DZIP1L: variants seen among roughly 807,000 people sequenced by gnomAD.
DZIP1L encodes DAZ interacting zinc finger protein 1 like, also known as cilium assembly protein DZIP1L.
A neutral mutation model predicts 88.7 loss-of-function variants in DZIP1L; 90 were observed. The ratio of observed to expected loss-of-function variants is 1.02; its 90% CI spans 0.86 to 1.21. The LOEUF (loss-of-function observed/expected upper bound fraction) is 1.21, where lower values mean the gene tolerates loss of function less well. DZIP1L is among the 50% of genes most tolerant of loss of function. The pLI, the probability that DZIP1L is intolerant of heterozygous loss-of-function variation, is 0.00. For missense variants in DZIP1L, 932 were observed against 955.8 expected (o/e 0.98, Z 0.33); for synonymous variants, 363 against 372.1 (o/e 0.98, Z 0.28).
intron 11 of DZIP1L, among the ~76,000 whole-genome samples, chr3:138,075,094 A>G (rs1000175786): frequency 6.6e-6 from 1 of 152,260 alleles, no homozygotes; most frequent in African/African-American, 2.4e-5. Flanking sequence ...CTAGTCTAAC[A>G]GGAAAATATC....
chr3:138,084,377 A>G (rs1943825429), intron 7 of DZIP1L, 124 bp from the exon 8 acceptor site: 14 of 1,315,078 alleles, frequency 1.1e-5, no homozygotes, highest in South Asian at 1.6e-5. Context: ...TGAGACCTGG[A>G]CAGGCTTTCT....
At chr3:138,092,850 C>T (rs549108120) in intron 4 of DZIP1L, among the ~76,000 whole-genome samples, 2 of 152,342 alleles carry the variant, frequency 1.3e-5, no homozygotes, top group South Asian at 4.1e-4. Context: ...CATCTTCAGG[C>T]TCCACTTCTA....
At position 138,062,993 on chromosome 3, in the gene DZIP1L, G is replaced by A. The variant is rs774693842; in HGVS notation, c.2143-16C>T. The A allele has an allele frequency of 3.1e-6, 5 of 1,612,676 alleles. No homozygotes were observed. Among genetic ancestry groups the A allele is most frequent in the East Asian group, 2.2e-5 (1 of 44,858 alleles). ...CTTCAGAAAGCTGCAGGGGGTAAAGGGGAGAAGAAAATGCATTTTGATAAG... is the reference window on the plus strand; with the variant it reads ...CTTCAGAAAGCTGCAGGGGGTAAAGAGGAGAAGAAAATGCATTTTGATAAG... On this transcript the variant is annotated splice_polypyrimidine_tract_variant and intron_variant, in intron 15 of 15. Coordinates refer to ENST00000327532, the MANE Select transcript of DZIP1L (RefSeq NM_173543.3).
chr3:138,109,234 T>G (rs1267682114), intron 1 of DZIP1L, among the ~76,000 whole-genome samples: 1 of 152,246 alleles, frequency 6.6e-6, no homozygotes, highest in Non-Finnish European at 1.5e-5. Context: ...ATTTTATGTA[T>G]AGACACTGTT....
intron 1 of DZIP1L, among the ~76,000 whole-genome samples, chr3:138,105,302 G>A (rs1163637840): frequency 6.6e-6 from 1 of 151,922 alleles, no homozygotes; most frequent in Non-Finnish European, 1.5e-5. Flanking sequence ...TGGTGTGTGG[G>A]TGGTGATGGT....
Position 138,103,477 on chromosome 3 carries a change from G to C in DZIP1L, c.495C>G (p.Tyr165Ter). ...CCTGGTGGAGATTCCTCACCGTGTGGTAGCTGTGGGTGCCTGTCTGCATTA... is the reference window on the plus strand; with the variant it reads ...CCTGGTGGAGATTCCTCACCGTGTGCTAGCTGTGGGTGCCTGTCTGCATTA... ...QLLMQTGTHS[Y>*]HTCHLCDKTF... The change falls in exon 2 of 16, where the codon TAC becomes TAG. Residue 165 changes from tyrosine to a stop codon, truncating the protein, a stop_gained. Transcript: ENST00000327532. LOFTEE classifies it high-confidence loss of function. 1.3e-6 allele frequency: 2 copies of C among 1,599,142 alleles called. No homozygotes were observed. Among genetic ancestry groups the C allele is most frequent in the Non-Finnish European group, 1.7e-6 (2 of 1,170,722 alleles).
intron 4 of DZIP1L, among the ~76,000 whole-genome samples, chr3:138,093,754 T>C (rs549871533): frequency 7.9e-5 from 12 of 152,358 alleles, no homozygotes; most frequent in Non-Finnish European, 1.8e-4. Context: ...TTTCAACTGT[T>C]CTTCTGCAGC....
In DZIP1L at chr3:138,103,622, G is replaced by T. The variant is rs1310071268; in HGVS notation, c.350C>A (p.Thr117Asn). 1.9e-6 allele frequency: 3 copies of T among 1,606,038 alleles called. No individual in the cohort carries two copies. The highest frequency in any genetic ancestry group is 2.2e-5 in the East Asian group (1 of 44,774). ...SVAQLEARLQ[T>N]SLGQQQRGQQ... is the part of the protein sequence containing the mutation. ...ACCACGCTGCTGCTGGCCCAGGCTG[G>T]TCTGCAGCCGTGCCTCCAGCTGGGC... Residue 117 changes from threonine (T) to asparagine (N), a missense_variant, in exon 2 of 16, where the codon ACC (threonine) becomes AAC (asparagine). Thr to Asn is a moderately conservative substitution (Grantham distance 65). Coordinates refer to ENST00000327532, the MANE Select transcript of DZIP1L (RefSeq NM_173543.3).
At chr3:138,093,640 T>C (rs1408834607) in intron 4 of DZIP1L, among the ~76,000 whole-genome samples, 2 of 152,246 alleles carry the variant, frequency 1.3e-5, no homozygotes, top group Non-Finnish European at 2.9e-5. Flanking sequence ...ATCTCCAAGA[T>C]AACTTGCTGC....
intron 6 of DZIP1L, 108 bp from the exon 7 acceptor site, chr3:138,087,131 T>A: frequency 1.1e-6 from 1 of 906,560 alleles, no homozygotes; most frequent in South Asian, 1.6e-5. Flanking sequence ...GACAGAGTAG[T>A]GGAATAGAAT....
chr3:138,067,526 C>A lies in DZIP1L; in HGVS notation c.2002+5G>T. On this transcript the variant is annotated splice_donor_5th_base_variant and intron_variant, in intron 14 of 15. Transcript: ENST00000327532. ...CAGCCCACTCACCCAAAGGTGCCAGCTCACCTGAGCCCTGGCCAGGGGGCT... is the reference window on the plus strand; with the variant it reads ...CAGCCCACTCACCCAAAGGTGCCAGATCACCTGAGCCCTGGCCAGGGGGCT... The A allele has an allele frequency of 6.3e-7, 1 of 1,591,122 alleles. No homozygotes were observed. The highest frequency in any genetic ancestry group is 8.5e-7 in the Non-Finnish European group (1 of 1,171,128).
At chr3:138,065,176 T>C (rs1310232777) in intron 14 of DZIP1L, among the ~76,000 whole-genome samples, 1 of 152,194 alleles carries the variant, frequency 6.6e-6, no homozygotes, top group Non-Finnish European at 1.5e-5. Flanking sequence ...CAGGCAAGAA[T>C]GACTTTCTGC....
intron 11 of DZIP1L, among the ~76,000 whole-genome samples, chr3:138,075,349 A>C (rs939775224): frequency 3.3e-5 from 5 of 152,252 alleles, no homozygotes; most frequent in African/African-American, 1.2e-4. Flanking sequence ...ACTGCAGAAT[A>C]TATATTCTAT....
intron 1 of DZIP1L, among the ~76,000 whole-genome samples, chr3:138,105,776 A>G (rs1443170620): frequency 6.6e-6 from 1 of 152,160 alleles, no homozygotes; most frequent in Non-Finnish European, 1.5e-5. Flanking sequence ...CATATTTGTT[A>G]TAATTAGTTT....
At position 138,062,740 on chromosome 3, in the gene DZIP1L, C is replaced by T; in HGVS notation, c.*76G>A. 6.6e-7 allele frequency: 1 copy of T among 1,504,770 alleles called. No individual in the cohort carries two copies. The highest frequency in any genetic ancestry group is 9.2e-7 in the Non-Finnish European group (1 of 1,091,616). 93.2% of individuals were successfully genotyped at this position (1,504,770 alleles called of 1,614,324 possible). A position where few individuals can be genotyped will look rare whatever the true frequency, so the allele number is the denominator to read the frequency against. ...TTGTTTGTGAAGACAAGAGGCCCAG[C>T]AGCCTCTTCTGTTGAAGTGGACCTG... On this transcript the variant is annotated 3_prime_UTR_variant, in exon 16 of 16. Transcript: ENST00000327532.
At chr3:138,071,504 G>T in intron 12 of DZIP1L, 139 bp downstream of exon 12, 1 of 962,460 alleles carries the variant, frequency 1.0e-6, no homozygotes. Context: ...TCCCCTGTAA[G>T]GACCCTACCA....
At chr3:138,105,182 T>A (rs184567513) in intron 1 of DZIP1L, among the ~76,000 whole-genome samples, 13 of 152,254 alleles carry the variant, frequency 8.5e-5, no homozygotes, top group African/African-American at 2.6e-4. Flanking sequence ...ATTAATATAA[T>A]CATATTTAAT....
intron 4 of DZIP1L, among the ~76,000 whole-genome samples, chr3:138,093,257 G>A (rs1393950257): frequency 6.6e-6 from 1 of 152,194 alleles, no homozygotes; most frequent in Non-Finnish European, 1.5e-5. Context: ...AGGTGACCAG[G>A]AACATTGTCA....
chr3:138,091,088 T>C (rs552659660), intron 5 of DZIP1L, among the ~76,000 whole-genome samples: 76 of 151,960 alleles, frequency 5.0e-4, no homozygotes, highest in Admixed American at 8.5e-4. Context: ...TTCGCCATGT[T>C]GGTCATGCTG....
Sources: allele counts gnomAD v4.1 joint callset (sites outside exome capture counted in the v4.1 genomes callset), GRCh38; gene constraint gnomAD v4.1.1; transcripts MANE v1.5; gene names NCBI Gene and HGNC (gene_info 2026-07-23, HGNC 2026-07-21).